Variants in DSCAML1 observed in about 807,000 individuals in gnomAD.
The protein encoded by DSCAML1 is cell adhesion molecule DSCAML1.
DSCAML1 carries 38 observed loss-of-function variants against 200.5 expected under a neutral mutation model. That is an observed-to-expected ratio of 0.19 (90% CI 0.15 to 0.25). The LOEUF is 0.25. DSCAML1 is among the 10% of genes least tolerant of loss of function. The pLI, the probability that DSCAML1 is intolerant of heterozygous loss-of-function variation, is 1.00. For missense variants in DSCAML1, 2,223 were observed against 2,858.8 expected (o/e 0.78, Z 5.07); for synonymous variants, 1,215 against 1,165.0 (o/e 1.04, Z -0.87).
At chr11:117,471,824 T>C (rs1398064337) in intron 15 of DSCAML1, 45 bp downstream of exon 15, 2 of 1,579,472 alleles carry the variant, frequency 1.3e-6, no homozygotes, top group Non-Finnish European at 1.7e-6. Flanking sequence ...CTGGTGGTCC[T>C]GATCCCTGAG....
intron 3 of DSCAML1, among the ~76,000 whole-genome samples, chr11:117,740,943 C>G (rs1009933210): frequency 6.6e-5 from 10 of 152,214 alleles, no homozygotes; most frequent in African/African-American, 2.2e-4. Context: ...GCCAGCCAGG[C>G]CATCAGATCC....
chr11:117,679,488 G>C (rs184206482), intron 3 of DSCAML1, among the ~76,000 whole-genome samples: 91 of 152,300 alleles, frequency 6.0e-4, no homozygotes, highest in Non-Finnish European at 2.9e-4. Context: ...GCTTTTTCCA[G>C]CCCTTGGTGA....
intron 11 of DSCAML1, among the ~76,000 whole-genome samples, chr11:117,485,885 CTCT>C (rs1431211867): frequency 1.3e-5 from 2 of 152,220 alleles, no homozygotes; most frequent in African/African-American, 4.8e-5. Context: ...TCAAAAGTGG[CTCT>C]TCTTGGCCTG....
At position 117,676,394 on chromosome 11, in the gene DSCAML1, G is replaced by A. The variant is rs2053213289; in HGVS notation, c.511+100397C>T. 2.0e-5 allele frequency among the ~76,000 whole-genome samples: 3 copies of A among 152,334 alleles called. No individual in the cohort carries two copies. The South Asian group carries it at 6.2e-4, about 32-fold the overall frequency. On this transcript the variant is annotated intron_variant, in intron 3 of 32. Transcript: ENST00000651296. ...TTCAACATCTCAACTGTACTTCAAT[G>A]CAAGTGGCTCTGGACACCTGTGGGG...
chr11:117,449,515 G>A (rs2048244866), intron 20 of DSCAML1, among the ~76,000 whole-genome samples: 2 of 152,100 alleles, frequency 1.3e-5, no homozygotes, highest in African/African-American at 2.4e-5. Flanking sequence ...CACAATTACT[G>A]AGCAATTTCA....
chr11:117,757,273 A>G (rs73585253), intron 3 of DSCAML1, among the ~76,000 whole-genome samples: 1,970 of 152,306 alleles, frequency 0.013, 39 homozygotes, highest in African/African-American at 0.044. Flanking sequence ...TTAGAAAATG[A>G]TGGAAAAGAA....
chr11:117,432,464 GA>G lies in DSCAML1; in HGVS notation c.5066del (p.Phe1689SerfsTer46). ...KATIPVTDAE[F>X]SQAVNPQSFC... ...AGCTCTGTGGGTTGACAGCTTGGCT[GA>G]ACTCAGCATCTGTCACAGGGATGGT... On this transcript the variant is annotated frameshift_variant, in exon 30 of 33. Transcript: ENST00000651296. LOFTEE classifies it high-confidence loss of function. 1 of 1,614,212 alleles carries G rather than the reference GA, an allele frequency of 6.2e-7. No individual in the cohort carries two copies. Among genetic ancestry groups the G allele is most frequent in the Non-Finnish European group, 8.5e-7 (1 of 1,180,038 alleles).
intron 3 of DSCAML1, among the ~76,000 whole-genome samples, chr11:117,630,716 G>A (rs1591341183): frequency 1.3e-5 from 2 of 150,126 alleles, no homozygotes; most frequent in East Asian, 2.0e-4. Flanking sequence ...CAGGGCCGGT[G>A]TCTGAAAACA....
intron 3 of DSCAML1, among the ~76,000 whole-genome samples, chr11:117,753,340 C>T (rs1265905849): frequency 2.6e-5 from 4 of 152,122 alleles, no homozygotes; most frequent in African/African-American, 4.8e-5. Context: ...TGAGTGGTCC[C>T]GCATTCTTCT....
rs373232018 is a variant in DSCAML1 at position 117,434,571 on chromosome 11, C to T, written c.4876+1073G>A. On this transcript the variant is annotated intron_variant, in intron 27 of 32. Coordinates refer to ENST00000651296, the MANE Select transcript of DSCAML1 (RefSeq NM_020693.4). ...CTATCTGTTCAACTATTCATATAAT[C>T]ATTATCTGGCCATTCAACAATCCAT... is the stretch of plus-strand genomic sequence containing the variant. Among the ~76,000 whole-genome samples the T allele has an allele frequency of 7.9e-5, 12 of 152,130 alleles. No homozygotes were observed. The South Asian group carries it at 2.5e-3, about 32-fold the overall frequency.
At chr11:117,561,319 C>T (rs1893970) in intron 3 of DSCAML1, among the ~76,000 whole-genome samples, 41,491 of 152,158 alleles carry the variant, frequency 0.27, 6,115 homozygotes, top group Admixed American at 0.34. Flanking sequence ...ACAGTGACAC[C>T]GCACAAGCTG....
chr11:117,638,692 A>T (rs925081697), intron 3 of DSCAML1, among the ~76,000 whole-genome samples: 11 of 152,226 alleles, frequency 7.2e-5, no homozygotes, highest in African/African-American at 2.4e-4. Flanking sequence ...TCCACGTCAC[A>T]ACATGAATCT....
intron 11 of DSCAML1, among the ~76,000 whole-genome samples, chr11:117,494,948 A>T (rs1243492902): frequency 6.6e-6 from 1 of 152,172 alleles, no homozygotes; most frequent in East Asian, 1.9e-4. Flanking sequence ...CAATACCTTG[A>T]TGTCAGACTC....
chr11:117,576,052 C>T (rs2050928662), intron 3 of DSCAML1, among the ~76,000 whole-genome samples: 1 of 152,076 alleles, frequency 6.6e-6, no homozygotes, highest in Admixed American at 6.5e-5. Context: ...ACACAAAGGG[C>T]ACTTTTTCCA....
rs750969001 is a variant in DSCAML1 at position 117,521,219 on chromosome 11, G to A, written c.1124C>T (p.Ser375Leu). ...GLSNETLLIT[S>L]AQKSHSGAYQ... ...GGCCCCGGAATGGCTCTTCTGGGCC[G>A]AGGTGATGAGCAGCGTCTCGTTGCT... Residue 375 changes from serine (S) to leucine (L), a missense_variant, in exon 6 of 33, where the codon TCG becomes TTG. Ser to Leu is a moderately radical substitution (Grantham distance 145). Around this residue, in one of 7 missense-constraint regions of DSCAML1, gnomAD observed 579 missense variants for 721.5 expected, o/e 0.80. Transcript: ENST00000651296. The A allele has an allele frequency of 5.0e-6, 8 of 1,614,186 alleles. No individual in the cohort carries two copies. Among genetic ancestry groups the A allele is most frequent in the East Asian group, 2.2e-5 (1 of 44,874 alleles).
chr11:117,478,685 C>T (rs2048846796), intron 14 of DSCAML1, among the ~76,000 whole-genome samples: 1 of 152,226 alleles, frequency 6.6e-6, no homozygotes, highest in South Asian at 2.1e-4. Context: ...ATTTATTGCC[C>T]ATGAATTGCA....
At chr11:117,672,002 G>A (rs1018839027) in intron 3 of DSCAML1, among the ~76,000 whole-genome samples, 5 of 151,702 alleles carry the variant, frequency 3.3e-5, no homozygotes, top group Admixed American at 1.3e-4. Flanking sequence ...TCGGGAGGGT[G>A]AGGCAGGAGA....
At position 117,437,424 on chromosome 11, in the gene DSCAML1, G is replaced by GGAGA. The variant is rs551978907; in HGVS notation, c.4433-19_4433-16dup. On this transcript the variant is annotated splice_polypyrimidine_tract_variant and intron_variant, in intron 25 of 32. Coordinates refer to ENST00000651296, the MANE Select transcript of DSCAML1 (RefSeq NM_020693.4). This position sits in a 1 kb window ranked among gnomAD's most constrained non-coding sequence, Gnocchi z 5.3. ...GAAGGAGGGCTCTGGCAGGCCGGAG[G>GGAGA]GAGAGAGAGAGGTTAGAGAGATTTG... 9.4e-4 allele frequency: 1,507 copies of GGAGA among 1,607,504 alleles called. 16 individuals are homozygous for GGAGA. In the African/African-American group the frequency reaches 0.018, roughly 19 times the overall value.
intron 11 of DSCAML1, among the ~76,000 whole-genome samples, chr11:117,494,346 G>A: frequency 6.6e-6 from 1 of 152,198 alleles, no homozygotes; most frequent in East Asian, 1.9e-4. Context: ...GGTGTGGCTG[G>A]CTTCCAGTTA....
Sources: allele counts gnomAD v4.1 joint callset (sites outside exome capture counted in the v4.1 genomes callset), GRCh38; gene constraint gnomAD v4.1.1; regional missense constraint gnomAD v4.1.1; non-coding constraint Gnocchi (gnomAD v3.1); transcripts MANE v1.5; gene names NCBI Gene and HGNC (gene_info 2026-07-23, HGNC 2026-07-21).